The following PRKACB variants were observed in gnomAD, a reference collection of about 807,000 sequenced individuals.
PRKACB encodes protein kinase cAMP-activated catalytic subunit beta, also known as cAMP-dependent protein kinase catalytic subunit beta.
A neutral mutation model predicts 51.4 loss-of-function variants in PRKACB; 16 were observed. The ratio of observed to expected loss-of-function variants is 0.31; its 90% CI spans 0.21 to 0.47. The LOEUF (loss-of-function observed/expected upper bound fraction) is 0.47. Among genes scored for constraint, PRKACB ranks in the 20% least tolerant of loss-of-function variants. PRKACB has a pLI of 1.00. For synonymous variants in PRKACB, 147 were observed against 154.4 expected (o/e 0.95, Z 0.35); for missense variants, 309 against 464.5 (o/e 0.67, Z 3.08).
intron 8 of PRKACB, among the ~76,000 whole-genome samples, chr1:84,206,060 A>C (rs999261423): frequency 3.3e-5 from 5 of 152,178 alleles, no homozygotes; most frequent in African/African-American, 1.2e-4. Context: ...GAAATATAGA[A>C]AGTTTATATT....
chr1:84,080,146 A>G (rs538409106), intron 1 of PRKACB, among the ~76,000 whole-genome samples: 2 of 152,174 alleles, frequency 1.3e-5, no homozygotes, highest in South Asian at 4.1e-4. Flanking sequence ...GAGAATGATT[A>G]TATTAGTAGT....
At chr1:84,164,628 T>G in intron 1 of PRKACB, 1 of 1,382,822 alleles carries the variant, frequency 7.2e-7, no homozygotes. Flanking sequence ...AATGTTGCCG[T>G]GGTAACAACT....
At chr1:84,138,754 C>G (rs1270906663) in intron 1 of PRKACB, among the ~76,000 whole-genome samples, 1 of 152,078 alleles carries the variant, frequency 6.6e-6, no homozygotes, top group Non-Finnish European at 1.5e-5. Flanking sequence ...AGCAATGTAT[C>G]TTTATGAACA....
chr1:84,123,961 C>T (rs1651319326), intron 1 of PRKACB, among the ~76,000 whole-genome samples: 1 of 152,082 alleles, frequency 6.6e-6, no homozygotes, highest in Non-Finnish European at 1.5e-5. Flanking sequence ...ACTGGAAATG[C>T]ATAGCTCCCT....
chr1:84,161,976 A>G (rs1656252445), intron 1 of PRKACB, among the ~76,000 whole-genome samples: 1 of 151,830 alleles, frequency 6.6e-6, no homozygotes, highest in Admixed American at 6.6e-5. Context: ...AGCTTTAAGG[A>G]CTTAGGTATT....
intron 9 of PRKACB, among the ~76,000 whole-genome samples, chr1:84,224,800 A>G (rs1209171641): frequency 6.6e-6 from 1 of 152,180 alleles, no homozygotes; most frequent in Non-Finnish European, 1.5e-5. Context: ...AGCAGCAAGC[A>G]GGGTGGATGG....
At chr1:84,181,677 T>C (rs764437347) in intron 2 of PRKACB, 108 of 1,518,946 alleles carry the variant, frequency 7.1e-5, no homozygotes, top group Non-Finnish European at 9.0e-5. Context: ...TACTATCTAG[T>C]TCTATAAGCT....
intron 9 of PRKACB, among the ~76,000 whole-genome samples, chr1:84,220,687 A>G (rs2221360): frequency 0.2 from 29,684 of 152,122 alleles, 3,159 homozygotes; most frequent in South Asian, 0.28. Flanking sequence ...TTCTGCATCT[A>G]TTGAGATGAT....
chr1:84,133,584 C>T (rs569205362), intron 1 of PRKACB, among the ~76,000 whole-genome samples: 6 of 152,298 alleles, frequency 3.9e-5, no homozygotes, highest in African/African-American at 7.2e-5. Flanking sequence ...AGCTAGTTGG[C>T]GGCTTTGGTC....
intron 1 of PRKACB, among the ~76,000 whole-genome samples, chr1:84,087,654 TG>T (rs1648121563): frequency 1.3e-5 from 2 of 152,178 alleles, no homozygotes; most frequent in African/African-American, 2.4e-5. Flanking sequence ...TAGCTGGGAC[TG>T]CAGGTGTGTA....
At chr1:84,190,386 C>T (rs562931280) in intron 5 of PRKACB, among the ~76,000 whole-genome samples, 55 of 151,502 alleles carry the variant, frequency 3.6e-4, no homozygotes, top group Non-Finnish European at 6.5e-4. Flanking sequence ...TATTAATTAT[C>T]CCTGGATTAC....
intron 1 of PRKACB, among the ~76,000 whole-genome samples, chr1:84,091,445 G>A (rs1648460390): frequency 6.6e-6 from 1 of 151,990 alleles, no homozygotes; most frequent in South Asian, 2.1e-4. Flanking sequence ...TAGAATCTTT[G>A]ACCTAACAAT....
chr1:84,194,684 T>G (rs143390836), intron 5 of PRKACB, among the ~76,000 whole-genome samples: 1,953 of 152,248 alleles, frequency 0.013, 55 homozygotes, highest in African/African-American at 0.045. Context: ...CCAGGACTTT[T>G]GGAGGCTCAG....
At chr1:84,205,550 T>C (rs1572430201) in intron 8 of PRKACB, 1 of 152,468 alleles carries the variant, frequency 6.6e-6, no homozygotes, top group South Asian at 2.1e-4. Context: ...TTTAGAAGCA[T>C]ATTATTTTAT....
intron 1 of PRKACB, among the ~76,000 whole-genome samples, chr1:84,097,378 G>A (rs943591958): frequency 3.3e-5 from 5 of 152,102 alleles, no homozygotes; most frequent in South Asian, 4.1e-4. Context: ...TGCACTCACA[G>A]TAGCAGTGTA....
chr1:84,131,035 G>A (rs1394628771), intron 1 of PRKACB, among the ~76,000 whole-genome samples: 1 of 152,130 alleles, frequency 6.6e-6, no homozygotes, highest in Non-Finnish European at 1.5e-5. Flanking sequence ...ATGTCTGTAA[G>A]GTTTATAAGT....
At chr1:84,084,427 C>T (rs1249457809) in intron 1 of PRKACB, among the ~76,000 whole-genome samples, 3 of 151,986 alleles carry the variant, frequency 2.0e-5, no homozygotes, top group Admixed American at 6.6e-5. Context: ...AGGGAGCCAT[C>T]GTGCACTTGG....
Position 84,237,418 on chromosome 1 carries a change from A to G in PRKACB, c.*2113A>G, listed in dbSNP as rs899231875. The stretch of plus-strand genomic sequence containing the variant: ...GTTTTCAGTAATCAAAAAGATTTCT[A>G]TGAATTCTAAAAAATATTTTTTTCT... On this transcript the variant is annotated 3_prime_UTR_variant, in exon 10 of 10. Coordinates refer to ENST00000370685, the MANE Select transcript of PRKACB (RefSeq NM_182948.4). 2.0e-5 allele frequency: 3 copies of G among 152,566 alleles called. No homozygotes were observed. The highest frequency in any genetic ancestry group is 2.9e-5 in the Non-Finnish European group (2 of 67,966). The allele number at this position is 152,566 out of a possible 1,614,324, so 9.5% of individuals were successfully genotyped here. A position where few individuals can be genotyped will look rare whatever the true frequency, so the allele number is the denominator to read the frequency against.
chr1:84,182,269 T>C lies in PRKACB; in HGVS notation c.319T>C (p.Leu107=), dbSNP rs1663751805. Residue 107 remains leucine (L), a synonymous_variant, in exon 3 of 10, where the codon TTG becomes CTG. Coordinates refer to ENST00000370685, the MANE Select transcript of PRKACB (RefSeq NM_182948.4). ...AACAGGTTCATTTGGAAGAGTCATG[T>C]TGGTAAAACACAAAGCCACTGAACA... ...LGTGSFGRVM[L]VKHKATEQYY... 1 of 1,604,684 alleles carries C rather than the reference T, an allele frequency of 6.2e-7. No homozygotes were observed. Among genetic ancestry groups the C allele is most frequent in the South Asian group, 1.1e-5 (1 of 89,478 alleles).
Sources: allele counts gnomAD v4.1 joint callset (sites outside exome capture counted in the v4.1 genomes callset), GRCh38; gene constraint gnomAD v4.1.1; transcripts MANE v1.5; gene names NCBI Gene and HGNC (gene_info 2026-07-23, HGNC 2026-07-21).